LRRC15: variants seen among roughly 807,000 people sequenced by gnomAD.
LRRC15 encodes leucine rich repeat containing 15.
Under a neutral mutation model 4.3 loss-of-function variants are expected in LRRC15, and 5 were observed. The ratio of observed to expected loss-of-function variants is 1.16; its 90% CI spans 0.61 to 2.44. The LOEUF is 2.44. Ranked by LOEUF, LRRC15 falls within the 30% of genes most tolerant of loss-of-function variation. LRRC15 has a pLI of 0.01. For synonymous variants in LRRC15, 337 were observed against 323.2 expected, an observed-to-expected ratio of 1.04 and a Z score of -0.46; for missense variants, 769 against 747.0, an observed-to-expected ratio of 1.03 and a Z score of -0.34.
rs1252499818 is a variant in LRRC15, at chr3:194,356,597, C to T, written c.*2701G>A. The T allele has an allele frequency of 6.6e-6, 1 of 152,320 alleles. No individual in the cohort carries two copies. Among genetic ancestry groups the T allele is most frequent in the East Asian group, 1.9e-4 (1 of 5,196 alleles). The allele number at this position is 152,320 out of a possible 1,614,324, so 9.4% of individuals were successfully genotyped here. A position where few individuals can be genotyped will look rare whatever the true frequency, so the allele number is the denominator to read the frequency against. On this transcript the variant is annotated 3_prime_UTR_variant, in exon 2 of 2. Coordinates refer to ENST00000347624, the MANE Select transcript of LRRC15 (RefSeq NM_130830.5). ...GAGAAAGGAAGAGGCAAGAGGTTCACATAAGGGGGCCCTCACCCCTCACCT... is the reference window on the plus strand; with the variant it reads ...GAGAAAGGAAGAGGCAAGAGGTTCATATAAGGGGGCCCTCACCCCTCACCT...
rs368972680 is a variant in LRRC15 at position 194,358,885 on chromosome 3, G to T, written c.*413C>A. Reference sequence around the variant, plus strand: ...AAATCAACTTACATAATACTTAGGCGAGAGGGGCTATCTCAGCGGAGAACT... The same window carrying T: ...AAATCAACTTACATAATACTTAGGCTAGAGGGGCTATCTCAGCGGAGAACT... On this transcript the variant is annotated 3_prime_UTR_variant, in exon 2 of 2. Coordinates refer to ENST00000347624, the MANE Select transcript of LRRC15 (RefSeq NM_130830.5). The T allele has an allele frequency of 4.2e-5, 7 of 166,496 alleles. No individual in the cohort carries two copies. In the South Asian group the frequency reaches 6.9e-4, roughly 17 times the overall value. 10.3% of individuals were successfully genotyped at this position (166,496 alleles called of 1,614,324 possible).
chr3:194,360,169 A>G lies in LRRC15; in HGVS notation c.875T>C (p.Met292Thr), dbSNP rs772870476. ...GAGCCAAAGCTCCCGCAGGTTGGGCATGGGCCCGAAGATCCCCGGAGAGAG... is the reference window on the plus strand; with the variant it reads ...GAGCCAAAGCTCCCGCAGGTTGGGCGTGGGCCCGAAGATCCCCGGAGAGAG... Reference protein sequence around the residue: ...KELSPGIFGPMPNLRELWLYD... With the variant: ...KELSPGIFGPTPNLRELWLYD... The change falls in exon 2 of 2, where the codon ATG becomes ACG. Residue 292 changes from methionine to threonine, a missense_variant. By Grantham distance (81) the Met-to-Thr change is moderately conservative. Transcript: ENST00000347624. The G allele has an allele frequency of 3.7e-6, 6 of 1,613,864 alleles. No homozygotes were observed. The highest frequency in any genetic ancestry group is 1.1e-5 in the South Asian group (1 of 91,072).
At chr3:194,369,323 A>T (rs1713875534) in intron 1 of LRRC15, among the ~76,000 whole-genome samples, 1 of 152,160 alleles carries the variant, frequency 6.6e-6, no homozygotes, top group South Asian at 2.1e-4. Context: ...TCCAGTGACA[A>T]GGGGGGTGAT....
rs1369059945 is a variant in LRRC15 at position 194,359,314 on chromosome 3, G to A, written c.1730C>T (p.Ala577Val). The change falls in exon 2 of 2, where the codon GCA (alanine) becomes GTA (valine). Residue 577 changes from alanine (A) to valine (V), a missense_variant. Ala to Val is a moderately conservative substitution (Grantham distance 64). Transcript: ENST00000347624. ...RSQAVLMQMK[A>V]PNEC is the part of the protein sequence containing the mutation. ...CCTGCCTCTTTAACACTCATTGGGT[G>A]CCTTCATCTGCATCAGGACAGCTTG... 1.3e-6 allele frequency: 2 copies of A among 1,596,480 alleles called. No individual in the cohort carries two copies. The highest frequency in any genetic ancestry group is 2.2e-5 in the East Asian group (1 of 44,702).
In LRRC15 at chr3:194,360,017, G is replaced by A. The variant is rs1206561772; in HGVS notation, c.1027C>T (p.Leu343Phe). 1.2e-6 allele frequency: 2 copies of A among 1,614,236 alleles called. No homozygotes were observed. The highest frequency in any genetic ancestry group is 1.6e-4 in the Middle Eastern group (1 of 6,062). ...TTGGTGTGGAGGGACAGCTCCCGAA[G>A]CTCCGTTAGCCCGTTGAAGGCACCC... ...SPGAFNGLTE[L>F]RELSLHTNAL... is the part of the protein sequence containing the mutation. The change falls in exon 2 of 2, where the codon CTT becomes TTT. Residue 343 changes from leucine to phenylalanine, a missense_variant. Coordinates refer to ENST00000347624, the MANE Select transcript of LRRC15 (RefSeq NM_130830.5).
At chr3:194,365,388 G>A (rs1226621794) in intron 1 of LRRC15, among the ~76,000 whole-genome samples, 1 of 152,034 alleles carries the variant, frequency 6.6e-6, no homozygotes, top group East Asian at 1.9e-4. Flanking sequence ...TTTGTTGGTT[G>A]GTGGGTTGGG....
At position 194,360,792 on chromosome 3, in the gene LRRC15, A is replaced by T. The variant is rs767968232; in HGVS notation, c.252T>A (p.Ile84=). 3.1e-6 allele frequency: 5 copies of T among 1,614,118 alleles called. No individual in the cohort carries two copies. In the African/African-American group the frequency reaches 6.7e-5, roughly 22 times the overall value. ...TGATGCGCGACAGCTCATTCTTCTC[A>T]ATCCTCAGGGCGATGAGGGCTGAGA... The part of the protein sequence containing the change: ...LNISALIALR[I]EKNELSRITP... The change falls in exon 2 of 2, where the codon ATT becomes ATA. Residue 84 remains isoleucine (I), a synonymous_variant. Transcript: ENST00000347624.
intron 1 of LRRC15, among the ~76,000 whole-genome samples, chr3:194,363,993 G>A (rs1041044426): frequency 2.0e-5 from 3 of 152,152 alleles, no homozygotes; most frequent in Non-Finnish European, 2.9e-5. Flanking sequence ...GGTCAAGCGG[G>A]TGCAGAAGTT....
At chr3:194,368,275 C>G (rs1713837398) in intron 1 of LRRC15, among the ~76,000 whole-genome samples, 1 of 152,306 alleles carries the variant, frequency 6.6e-6, no homozygotes, top group South Asian at 2.1e-4. Flanking sequence ...CCTCCCCCAC[C>G]CCTTATTCTC....
chr3:194,360,684 G>A lies in LRRC15; in HGVS notation c.360C>T (p.Leu120=). ...NNKLQVLPIG[L]FQGLDSLESL... ...ACTCGAGGCTGTCCAGGCCCTGGAA[G>A]AGGCCGATGGGCAGAACCTGCAGCT... is the stretch of plus-strand genomic sequence containing the variant. The change falls in exon 2 of 2, where the codon CTC becomes CTT. Residue 120 remains leucine (L), a synonymous_variant. Transcript: ENST00000347624. 1.9e-6 allele frequency: 3 copies of A among 1,614,244 alleles called. No homozygotes were observed. Among genetic ancestry groups the A allele is most frequent in the Middle Eastern group, 1.6e-4 (1 of 6,062 alleles).
rs1713399863 is a variant in LRRC15, at chr3:194,355,480, A to T, written c.*3818T>A. On this transcript the variant is annotated 3_prime_UTR_variant, in exon 2 of 2. Coordinates refer to ENST00000347624, the MANE Select transcript of LRRC15 (RefSeq NM_130830.5). ...AGCATGAAGGCAGCGGGTTGGTGAG[A>T]ACAATCTCTCCTTAAGAGAAGAAGA... 6.6e-6 allele frequency: 1 copy of T among 152,262 alleles called. No homozygotes were observed. The highest frequency in any genetic ancestry group is 6.5e-5 in the Admixed American group (1 of 15,284). The allele number at this position is 152,262 out of a possible 1,614,324, so 9.4% of individuals were successfully genotyped here.
In LRRC15 at chr3:194,359,726, G is replaced by A; in HGVS notation, c.1318C>T (p.Leu440Phe). Residue 440 changes from leucine to phenylalanine, a missense_variant, in exon 2 of 2, where the codon CTC (leucine) becomes TTC (phenylalanine). By Grantham distance (22) the Leu-to-Phe change is conservative. Transcript: ENST00000347624. ...DILPLRNWLL[L>F]NQPRLGTDTV... ...TCCGTCCCTAACCTAGGCTGGTTGA[G>A]CAGGAGCCAGTTGCGGAGCGGAAGG... 1.2e-6 allele frequency: 2 copies of A among 1,614,216 alleles called. No homozygotes were observed. The highest frequency in any genetic ancestry group is 1.7e-6 in the Non-Finnish European group (2 of 1,180,032).
chr3:194,359,482 A>C lies in LRRC15; in HGVS notation c.1562T>G (p.Ile521Ser). Residue 521 changes from isoleucine to serine, a missense_variant, in exon 2 of 2, where the codon ATT (isoleucine) becomes AGT (serine). Physicochemically the swap from Ile to Ser is moderately radical, Grantham distance 142. Coordinates refer to ENST00000347624, the MANE Select transcript of LRRC15 (RefSeq NM_130830.5). Reference sequence around the variant, plus strand: ...AACGCTGCGGTCATCAGTGACCTGAATGGTAGTCAGATCAGTGTAGTCTTC... The same window carrying C: ...AACGCTGCGGTCATCAGTGACCTGACTGGTAGTCAGATCAGTGTAGTCTTC... ...PVEDYTDLTT[I>S]QVTDDRSVWG... The C allele has an allele frequency of 6.2e-7, 1 of 1,614,244 alleles. No individual in the cohort carries two copies. Among genetic ancestry groups the C allele is most frequent in the Non-Finnish European group, 8.5e-7 (1 of 1,180,042 alleles).
rs1713509954 is a variant in LRRC15, at chr3:194,358,938, C to T, written c.*360G>A. On this transcript the variant is annotated 3_prime_UTR_variant, in exon 2 of 2. Transcript: ENST00000347624. ...TCCCACGAAGTGAGCAGGCTGTGGA[C>T]TAACTGAGTCTACAGAGGCCCGGAG... 2.9e-5 allele frequency: 6 copies of T among 210,334 alleles called. No homozygotes were observed. In the South Asian group the frequency reaches 7.1e-4, roughly 25 times the overall value. 13.0% of individuals were successfully genotyped at this position (210,334 alleles called of 1,614,324 possible). A position where few individuals can be genotyped will look rare whatever the true frequency, so the allele number is the denominator to read the frequency against.
chr3:194,360,745 A>G lies in LRRC15; in HGVS notation c.299T>C (p.Leu100Pro). ...GAGGCTGAGATAGCGCAGCGAGCCC[A>G]GGTTTCGGAAGGCCCCAGGCGTGAT... ...SRITPGAFRN[L>P]GSLRYLSLAN... is the part of the protein sequence containing the mutation. The change falls in exon 2 of 2, where the codon CTG (leucine) becomes CCG (proline). Residue 100 changes from leucine (L) to proline (P), a missense_variant. Coordinates refer to ENST00000347624, the MANE Select transcript of LRRC15 (RefSeq NM_130830.5). 6.2e-7 allele frequency: 1 copy of G among 1,614,218 alleles called. No homozygotes were observed. Among genetic ancestry groups the G allele is most frequent in the Non-Finnish European group, 8.5e-7 (1 of 1,180,034 alleles).
intron 1 of LRRC15, among the ~76,000 whole-genome samples, chr3:194,364,140 G>C (rs1239321616): frequency 1.3e-5 from 2 of 152,142 alleles, no homozygotes; most frequent in East Asian, 3.9e-4. Flanking sequence ...TCCCATGCCT[G>C]GTAGGGTATT....
At chr3:194,362,933 G>GT (rs1713670266) in intron 1 of LRRC15, among the ~76,000 whole-genome samples, 1 of 124,226 alleles carries the variant, frequency 8.0e-6, no homozygotes, top group Non-Finnish European at 1.7e-5. Flanking sequence ...CACAGACCTT[G>GT]ATTTTGTTTT....
chr3:194,359,383 G>T lies in LRRC15; in HGVS notation c.1661C>A (p.Ser554Tyr). 6.2e-7 allele frequency: 1 copy of T among 1,614,138 alleles called. No homozygotes were observed. Residue 554 changes from serine (S) to tyrosine (Y), a missense_variant, in exon 2 of 2, where the codon TCC becomes TAC. Physicochemically the swap from Ser to Tyr is moderately radical, Grantham distance 144 (BLOSUM62 -2). Coordinates refer to ENST00000347624, the MANE Select transcript of LRRC15 (RefSeq NM_130830.5). Reference sequence around the variant, plus strand: ...GCAACAGCCGACGCAGGCAGCCAGGGAGCAGGCCAGGGCGACAATGCCAAT... The same window carrying T: ...GCAACAGCCGACGCAGGCAGCCAGGTAGCAGGCCAGGGCGACAATGCCAAT... ...IVIGIVALAC[S>Y]LAACVGCCCC... is the part of the protein sequence containing the mutation.
chr3:194,356,672 C>G lies in LRRC15; in HGVS notation c.*2626G>C, dbSNP rs1017618888. On this transcript the variant is annotated 3_prime_UTR_variant, in exon 2 of 2. Coordinates refer to ENST00000347624, the MANE Select transcript of LRRC15 (RefSeq NM_130830.5). ...TGAGGACAGTGGCCCTCAGGTCAGC[C>G]TCTGGCTGGAGAGGAAGGTGCTCCA... 1 of 152,298 alleles carries G rather than the reference C, an allele frequency of 6.6e-6. No homozygotes were observed. The highest frequency in any genetic ancestry group is 2.4e-5 in the African/African-American group (1 of 41,462). 9.4% of individuals were successfully genotyped at this position (152,298 alleles called of 1,614,324 possible). A position where few individuals can be genotyped will look rare whatever the true frequency, so the allele number is the denominator to read the frequency against.
Sources: gnomAD v4.1 joint callset for allele counts (sites outside exome capture counted in the v4.1 genomes callset) on GRCh38, gnomAD v4.1.1 for gene constraint, MANE v1.5 for transcripts, NCBI Gene and HGNC (gene_info 2026-07-23, HGNC 2026-07-21) for gene names.